The following JPH1 variants were observed in gnomAD, a reference collection of about 807,000 sequenced individuals.
The protein encoded by JPH1 is junctophilin-1.
JPH1 carries 12 observed loss-of-function variants against 53.6 expected under a neutral mutation model. The observed-to-expected ratio is 0.22, with a 90% CI of 0.14 to 0.36. JPH1 has a LOEUF of 0.36. Among genes scored for constraint, JPH1 ranks in the 10% least tolerant of loss-of-function variants. The pLI, the probability that JPH1 is intolerant of heterozygous loss-of-function variation, is 1.00. For synonymous variants in JPH1, 375 were observed against 363.8 expected, an observed-to-expected ratio of 1.03 and a Z score of -0.35; for missense variants, 808 against 905.5, an observed-to-expected ratio of 0.89 and a Z score of 1.38.
At chr8:74,267,759 G>A (rs1490659326) in intron 2 of JPH1, among the ~76,000 whole-genome samples, 7 of 152,154 alleles carry the variant, frequency 4.6e-5, no homozygotes, top group East Asian at 3.9e-4. Context: ...GGAAAAAGAC[G>A]TTTTACTTGT....
chr8:74,286,938 G>C (rs1290398514), intron 2 of JPH1, among the ~76,000 whole-genome samples: 1 of 152,098 alleles, frequency 6.6e-6, no homozygotes, highest in Admixed American at 6.6e-5. Context: ...AAATAAAATG[G>C]AAAAAATAAT....
chr8:74,240,818 A>G (rs1388313685), intron 4 of JPH1, among the ~76,000 whole-genome samples: 1 of 152,234 alleles, frequency 6.6e-6, no homozygotes, highest in African/African-American at 2.4e-5. Context: ...GCCAACTTCT[A>G]AAGTCCAAGG....
chr8:74,289,895 C>A (rs1807273505), intron 2 of JPH1, among the ~76,000 whole-genome samples: 1 of 152,100 alleles, frequency 6.6e-6, no homozygotes, highest in Admixed American at 6.6e-5. Context: ...TATGCTGAAC[C>A]AGCCTTGCAT....
intron 2 of JPH1, among the ~76,000 whole-genome samples, chr8:74,314,035 C>G (rs1030895697): frequency 5.3e-5 from 8 of 152,128 alleles, no homozygotes; most frequent in Admixed American, 5.2e-4. Flanking sequence ...CACATACACC[C>G]CACTTGTCAA....
At chr8:74,245,850 T>C (rs1419442841) in intron 3 of JPH1, among the ~76,000 whole-genome samples, 2 of 151,858 alleles carry the variant, frequency 1.3e-5, no homozygotes, top group Non-Finnish European at 2.9e-5. Flanking sequence ...CTTGTTACTT[T>C]TTTATAAATG....
chr8:74,272,530 G>GATCTTGT (rs777931173), intron 2 of JPH1, among the ~76,000 whole-genome samples: 1 of 150,760 alleles, frequency 6.6e-6, no homozygotes. Context: ...CTCAAAGCAT[G>GATCTTGT]ATCTTGTATG....
chr8:74,252,152 A>G (rs926942180), intron 3 of JPH1, among the ~76,000 whole-genome samples: 4 of 152,242 alleles, frequency 2.6e-5, no homozygotes. Flanking sequence ...CCTTCCTTAC[A>G]CCTTATACAA....
At chr8:74,314,102 T>C (rs1808070806) in intron 2 of JPH1, among the ~76,000 whole-genome samples, 1 of 152,210 alleles carries the variant, frequency 6.6e-6, no homozygotes, top group South Asian at 2.1e-4. Flanking sequence ...TGCTCTTCTT[T>C]CTTCCAACCT....
chr8:74,303,051 G>A (rs879462694), intron 2 of JPH1, among the ~76,000 whole-genome samples: 11 of 151,238 alleles, frequency 7.3e-5, no homozygotes, highest in Non-Finnish European at 1.5e-4. Flanking sequence ...ACAAATTCAA[G>A]AATAGAAATT....
In JPH1 at chr8:74,315,043, G is replaced by A. The variant is rs58313860; in HGVS notation, c.957C>T (p.Thr319=). The change falls in exon 2 of 6, where the codon ACC becomes ACT. Residue 319 remains threonine, a synonymous_variant. Transcript: ENST00000342232. The surrounding 1 kb of genome is among the most constrained non-coding windows in gnomAD (Gnocchi z 6.3). ...ANNKRHGYGC[T]VFPDGSKEEG... ...CTTCTTTGGAGCCGTCAGGAAACAC[G>A]GTACAGCCATATCCATGCCTCTTGT... The A allele has an allele frequency of 6.2e-7, 1 of 1,614,140 alleles. No homozygotes were observed. Among genetic ancestry groups the A allele is most frequent in the East Asian group, 2.2e-5 (1 of 44,874 alleles).
At chr8:74,278,983 ACG>A (rs1226263360) in intron 2 of JPH1, among the ~76,000 whole-genome samples, 25 of 131,340 alleles carry the variant, frequency 1.9e-4, no homozygotes, top group African/African-American at 3.1e-4. Flanking sequence ...ACACACGCAC[ACG>A]CGCGCACACA....
rs775429451 is a variant in JPH1 at position 74,269,202 on chromosome 8, C to T, written c.1140-9699G>A. On this transcript the variant is annotated intron_variant, in intron 2 of 5. Transcript: ENST00000342232. ...AGAACAAAAAGATCTGTTCCTCTAT[C>T]AGGCTTCTGATGCCGAACAGTATGA... Among the ~76,000 whole-genome samples the T allele has an allele frequency of 6.1e-4, 93 of 152,338 alleles. 1 individual carries two copies. The Middle Eastern group carries it at 0.027, about 45-fold the overall frequency.
At chr8:74,316,020 C>T (rs1219984728) in intron 1 of JPH1, among the ~76,000 whole-genome samples, 1 of 152,106 alleles carries the variant, frequency 6.6e-6, no homozygotes. Context: ...AAATTTTATT[C>T]TAATATTACT....
intron 2 of JPH1, among the ~76,000 whole-genome samples, chr8:74,278,988 C>T (rs920525583): frequency 1.5e-4 from 19 of 125,266 alleles, no homozygotes; most frequent in African/African-American, 9.5e-5. Flanking sequence ...CGCACACGCG[C>T]GCACACACAC....
rs558868087 is a variant in JPH1 at position 74,249,096 on chromosome 8, T to C, written c.1259-3921A>G. 5.8e-4 allele frequency among the ~76,000 whole-genome samples: 89 copies of C among 152,246 alleles called. 3 individuals carry two copies. The South Asian group carries it at 0.018, about 31-fold the overall frequency. On this transcript the variant is annotated intron_variant, in intron 3 of 5. Coordinates refer to ENST00000342232, the MANE Select transcript of JPH1 (RefSeq NM_020647.4). ...CATGCCATCCACCAACACTCAAAGG[T>C]TACTCGTTACAGTTGGCACGAAGGC...
At chr8:74,271,803 A>T (rs1806708527) in intron 2 of JPH1, among the ~76,000 whole-genome samples, 1 of 152,146 alleles carries the variant, frequency 6.6e-6, no homozygotes, top group African/African-American at 2.4e-5. Flanking sequence ...CCCTGAAAAC[A>T]TGAGGGCTGT....
chr8:74,239,119 A>G (rs79618307), intron 4 of JPH1, among the ~76,000 whole-genome samples: 2,365 of 152,292 alleles, frequency 0.016, 62 homozygotes, highest in African/African-American at 0.05. Context: ...CCCCAAGTAA[A>G]TGGGAGGAAA....
chr8:74,302,020 A>G (rs971980796), intron 2 of JPH1, among the ~76,000 whole-genome samples: 1 of 152,192 alleles, frequency 6.6e-6, no homozygotes, highest in Non-Finnish European at 1.5e-5. Flanking sequence ...TGCCATGTGA[A>G]TTTCCTATGC....
intron 2 of JPH1, among the ~76,000 whole-genome samples, chr8:74,281,543 C>T (rs1807017431): frequency 6.6e-6 from 1 of 152,174 alleles, no homozygotes; most frequent in African/African-American, 2.4e-5. Context: ...TTACTATGGA[C>T]AACTTTCTAA....
Sources: allele counts gnomAD v4.1 joint callset (sites outside exome capture counted in the v4.1 genomes callset), GRCh38; gene constraint gnomAD v4.1.1; non-coding constraint Gnocchi (gnomAD v3.1); transcripts MANE v1.5; gene names NCBI Gene and HGNC (gene_info 2026-07-23, HGNC 2026-07-21).